The following DECR1 variants were observed in gnomAD, a reference collection of about 807,000 sequenced individuals.
DECR1 encodes the protein 2,4-dienoyl-CoA reductase [(3E)-enoyl-CoA-producing], mitochondrial.
In DECR1, 44 loss-of-function variants were observed where a neutral mutation model predicts 38.8. The observed-to-expected ratio is 1.13, with a 90% CI of 0.89 to 1.46. The LOEUF (loss-of-function observed/expected upper bound fraction) is 1.46. Ranked by LOEUF, DECR1 falls within the 40% of genes most tolerant of loss-of-function variation. DECR1 has a pLI of 0.00. For synonymous variants in DECR1, 148 were observed against 135.2 expected (o/e 1.09, Z -0.66); for missense variants, 428 against 405.5 (o/e 1.06, Z -0.48).
chr8:90,051,235 C>T (rs1395289246), intron 8 of DECR1, among the ~76,000 whole-genome samples: 1 of 150,488 alleles, frequency 6.6e-6, no homozygotes, highest in African/African-American at 2.4e-5. Flanking sequence ...GAGGAGGGCT[C>T]AGGAAACTTA....
chr8:90,024,986 C>A (rs1813292084), intron 5 of DECR1, among the ~76,000 whole-genome samples: 1 of 152,192 alleles, frequency 6.6e-6, no homozygotes, highest in African/African-American at 2.4e-5. Flanking sequence ...GAAATCCTTT[C>A]CCCATTGCTT....
chr8:90,011,264 A>T (rs1211337056), intron 1 of DECR1, among the ~76,000 whole-genome samples: 1 of 152,218 alleles, frequency 6.6e-6, no homozygotes, highest in Non-Finnish European at 1.5e-5. Context: ...TACAGTCAGC[A>T]TATACATTCC....
At chr8:90,019,334 C>A (rs890955401) in intron 4 of DECR1, among the ~76,000 whole-genome samples, 162 bp downstream of exon 4, 1 of 152,178 alleles carries the variant, frequency 6.6e-6, no homozygotes, top group Non-Finnish European at 1.5e-5. Flanking sequence ...GGAAAGAATT[C>A]AAGGATGAGC....
At chr8:90,044,406 T>C (rs920981073) in intron 7 of DECR1, among the ~76,000 whole-genome samples, 2 of 152,220 alleles carry the variant, frequency 1.3e-5, no homozygotes, top group African/African-American at 4.8e-5. Flanking sequence ...TAGAATCTAA[T>C]TGAATTTCTA....
At chr8:90,007,178 G>A (rs1812763959) in intron 1 of DECR1, among the ~76,000 whole-genome samples, 1 of 152,152 alleles carries the variant, frequency 6.6e-6, no homozygotes. Context: ...TCATGTTTGG[G>A]GAATCCTGAG....
rs1362188421 is a variant in DECR1 at position 90,036,842 on chromosome 8, A to G, written c.567A>G (p.Gly189=). Residue 189 remains glycine, a splice_region_variant and synonymous_variant, in exon 6 of 10, where the codon GGA becomes GGG. Transcript: ENST00000220764. ...AACTGTATCCTTTTAAAATTTCAGG[A>G]GCAGCATTTCTTTCTATTACTACTA... ...IGKQLIKAQK[G]AAFLSITTIY... 4 of 1,607,828 alleles carry G rather than the reference A, an allele frequency of 2.5e-6. No individual in the cohort carries two copies. Among genetic ancestry groups the G allele is most frequent in the Non-Finnish European group, 3.4e-6 (4 of 1,175,342 alleles).
chr8:90,020,847 C>T, intron 4 of DECR1, 62 bp from the exon 5 acceptor site: 1 of 1,362,116 alleles, frequency 7.3e-7, no homozygotes, highest in South Asian at 1.7e-5. Flanking sequence ...GAAAAAAAAC[C>T]CTGCAGGGAA....
At chr8:90,008,119 A>T (rs956249097) in intron 1 of DECR1, among the ~76,000 whole-genome samples, 15 of 152,234 alleles carry the variant, frequency 9.9e-5, no homozygotes, top group African/African-American at 3.6e-4. Context: ...TCTCTACCTG[A>T]CTATTCCAGA....
At chr8:90,007,029 A>G (rs925001556) in intron 1 of DECR1, among the ~76,000 whole-genome samples, 1 of 152,196 alleles carries the variant, frequency 6.6e-6, no homozygotes, top group African/African-American at 2.4e-5. Flanking sequence ...TAAATAAGCT[A>G]CAGAAGTAGA....
At chr8:90,047,320 A>G (rs929642984) in intron 8 of DECR1, among the ~76,000 whole-genome samples, 1 of 152,204 alleles carries the variant, frequency 6.6e-6, no homozygotes, top group Admixed American at 6.5e-5. Flanking sequence ...TAGGCTCAAA[A>G]TAAAGGCATG....
At chr8:90,049,240 A>G (rs371059260) in intron 8 of DECR1, among the ~76,000 whole-genome samples, 1 of 152,136 alleles carries the variant, frequency 6.6e-6, no homozygotes, top group South Asian at 2.1e-4. Context: ...GTCAAATTGT[A>G]CCTGTTTGCA....
intron 5 of DECR1, among the ~76,000 whole-genome samples, chr8:90,031,984 A>G (rs896336173): frequency 1.1e-4 from 17 of 152,322 alleles, no homozygotes; most frequent in Admixed American, 5.9e-4. Flanking sequence ...TGTGGGGACC[A>G]CAAATGACCA....
chr8:90,030,917 A>C (rs1319369152), intron 5 of DECR1, among the ~76,000 whole-genome samples: 2 of 152,042 alleles, frequency 1.3e-5, no homozygotes, highest in Non-Finnish European at 2.9e-5. Flanking sequence ...GGAGAGTTCA[A>C]CCTCATCTGT....
In DECR1 at chr8:90,005,086, A is replaced by G. The variant is rs115137506; in HGVS notation, c.69+3525A>G. On this transcript the variant is annotated intron_variant, in intron 1 of 9. Transcript: ENST00000220764. Reference sequence around the variant, plus strand: ...TGGAATTTGTGTGGTCCCAATGGCAATATAGACCTAAGGAATAGCATGTAT... The same window carrying G: ...TGGAATTTGTGTGGTCCCAATGGCAGTATAGACCTAAGGAATAGCATGTAT... Among the ~76,000 whole-genome samples the G allele has an allele frequency of 4.5e-3, 691 of 152,308 alleles. 8 individuals carry two copies. Among genetic ancestry groups the G allele is most frequent in the African/African-American group, 0.016 (658 of 41,562 alleles).
chr8:90,015,332 A>G (rs1812981939), intron 1 of DECR1, among the ~76,000 whole-genome samples: 1 of 152,138 alleles, frequency 6.6e-6, no homozygotes, highest in Non-Finnish European at 1.5e-5. Context: ...TTTTTCATCT[A>G]TAAAATAGAA....
intron 1 of DECR1, among the ~76,000 whole-genome samples, chr8:90,010,064 C>A (rs1454083150): frequency 6.6e-6 from 1 of 152,150 alleles, no homozygotes; most frequent in African/African-American, 2.4e-5. Flanking sequence ...TCCAGCTGGG[C>A]AGTTTCTTTT....
At chr8:90,037,070 T>C (rs750359519) in intron 6 of DECR1, 130 bp downstream of exon 6, 6 of 637,146 alleles carry the variant, frequency 9.4e-6, no homozygotes, top group Non-Finnish European at 1.7e-5. Context: ...CCATGAGACA[T>C]ACATTTTATC....
chr8:90,034,349 C>T (rs928121674), intron 5 of DECR1, among the ~76,000 whole-genome samples: 1 of 152,008 alleles, frequency 6.6e-6, no homozygotes, highest in Non-Finnish European at 1.5e-5. Flanking sequence ...TGTCTTATCC[C>T]GTGTTATGAA....
At chr8:90,046,906 A>C (rs1223415253) in intron 8 of DECR1, among the ~76,000 whole-genome samples, 1 of 152,234 alleles carries the variant, frequency 6.6e-6, no homozygotes, top group Non-Finnish European at 1.5e-5. Context: ...AATAATTTTT[A>C]ACCTAGAATT....
Sources: gnomAD v4.1 joint callset for allele counts (sites outside exome capture counted in the v4.1 genomes callset) on GRCh38, gnomAD v4.1.1 for gene constraint, MANE v1.5 for transcripts, NCBI Gene and HGNC (gene_info 2026-07-23, HGNC 2026-07-21) for gene names.